VDAC3: variants seen among roughly 807,000 people sequenced by gnomAD.
VDAC3 encodes voltage dependent anion channel 3, also known as non-selective voltage-gated ion channel VDAC3.
VDAC3 carries 7 observed loss-of-function variants against 33.9 expected under a neutral mutation model. The ratio of observed to expected loss-of-function variants is 0.21; its 90% CI spans 0.12 to 0.39. The LOEUF (loss-of-function observed/expected upper bound fraction) is 0.39, where lower values mean the gene tolerates loss of function less well. Among genes scored for constraint, VDAC3 ranks in the 10% least tolerant of loss-of-function variants. The pLI, the probability that VDAC3 is intolerant of heterozygous loss-of-function variation, is 1.00. For missense variants in VDAC3, 261 were observed against 334.5 expected, an observed-to-expected ratio of 0.78 and a Z score of 1.71; for synonymous variants, 100 against 122.4, an observed-to-expected ratio of 0.82 and a Z score of 1.21.
Position 42,399,710 on chromosome 8 carries a change from A to T in VDAC3, c.323+7A>T. 6.2e-7 allele frequency: 1 copy of T among 1,611,572 alleles called. No individual in the cohort carries two copies. Among genetic ancestry groups the T allele is most frequent in the Non-Finnish European group, 8.5e-7 (1 of 1,178,514 alleles). On this transcript the variant is annotated splice_region_variant and intron_variant, in intron 6 of 9. Transcript: ENST00000022615. ...TATTTGTACCGAACACAGGGTAATT[A>T]TTCAAATCCCATTTCCTGAAACGTT...
chr8:42,401,800 G>C lies in VDAC3; in HGVS notation c.336G>C (p.Gly112=). 6.2e-7 allele frequency: 1 copy of C among 1,614,094 alleles called. No homozygotes were observed. Among genetic ancestry groups the C allele is most frequent in the South Asian group, 1.1e-5 (1 of 91,072 alleles). The change falls in exon 7 of 10, where the codon GGG becomes GGC. Residue 112 remains glycine, a synonymous_variant. Coordinates refer to ENST00000022615, the MANE Select transcript of VDAC3 (RefSeq NM_005662.7). Reference sequence around the variant, plus strand: ...TTGTTTATTGCAGAAAGAAGAGTGGGAAATTGAAGGCCTCCTATAAACGGG... The same window carrying C: ...TTGTTTATTGCAGAAAGAAGAGTGGCAAATTGAAGGCCTCCTATAAACGGG... ...IFVPNTGKKS[G]KLKASYKRDC... is the part of the protein sequence containing the mutation.
intron 7 of VDAC3, 94 bp downstream of exon 7, chr8:42,402,109 C>T (rs1191267798): frequency 1.5e-6 from 2 of 1,310,208 alleles, no homozygotes; most frequent in African/African-American, 2.9e-5. Context: ...TCAGATTTAG[C>T]ATGCCTTGGT....
intron 7 of VDAC3, 125 bp from the exon 8 acceptor site, chr8:42,403,186 A>T (rs1012029164): frequency 9.0e-7 from 1 of 1,113,838 alleles, no homozygotes; most frequent in Non-Finnish European, 1.3e-6. Flanking sequence ...TTATGCTAGA[A>T]ATTTGCTGAA....
chr8:42,402,905 C>A, intron 7 of VDAC3: 1 of 168,218 alleles, frequency 5.9e-6, no homozygotes, highest in Non-Finnish European at 1.3e-5. Flanking sequence ...TAAAGGAAAT[C>A]CAGAATTGGT....
intron 6 of VDAC3, among the ~76,000 whole-genome samples, chr8:42,400,234 AG>A: frequency 6.6e-6 from 1 of 151,780 alleles, no homozygotes. Flanking sequence ...GCTACTCAGG[AG>A]GCTGAGGCAG....
intron 1 of VDAC3, among the ~76,000 whole-genome samples, chr8:42,392,515 C>A (rs1182058180): frequency 6.6e-6 from 1 of 152,326 alleles, no homozygotes; most frequent in East Asian, 1.9e-4. Flanking sequence ...CATGAAGTTT[C>A]TGTTGTTCTC....
chr8:42,394,346 T>C, intron 3 of VDAC3, 68 bp downstream of exon 3: 1 of 1,322,322 alleles, frequency 7.6e-7, no homozygotes, highest in Non-Finnish European at 1.1e-6. Context: ...TGTGTGTAAA[T>C]ACTGTGTTAG....
At position 42,399,722 on chromosome 8, in the gene VDAC3, T is replaced by C; in HGVS notation, c.323+19T>C. 1 of 1,610,628 alleles carries C rather than the reference T, an allele frequency of 6.2e-7. No homozygotes were observed. The highest frequency in any genetic ancestry group is 8.5e-7 in the Non-Finnish European group (1 of 1,177,936). ...ACACAGGGTAATTATTCAAATCCCATTTCCTGAAACGTTTTTGGAGCCTGA... is the reference window on the plus strand; with the variant it reads ...ACACAGGGTAATTATTCAAATCCCACTTCCTGAAACGTTTTTGGAGCCTGA... On this transcript the variant is annotated intron_variant, in intron 6 of 9. Coordinates refer to ENST00000022615, the MANE Select transcript of VDAC3 (RefSeq NM_005662.7).
At chr8:42,398,291 C>T (rs905092595) in intron 4 of VDAC3, among the ~76,000 whole-genome samples, 1 of 152,146 alleles carries the variant, frequency 6.6e-6, no homozygotes, top group Non-Finnish European at 1.5e-5. Context: ...TGTCTCACTC[C>T]GTTGCCCAGG....
chr8:42,399,270 T>A lies in VDAC3; in HGVS notation c.271-381T>A, dbSNP rs188341397. The stretch of plus-strand genomic sequence containing the variant: ...TACAGGGCACTGTTTTTGATAGAGA[T>A]ACCATGTATAGATAATGTACATGCA... On this transcript the variant is annotated intron_variant, in intron 5 of 9. Coordinates refer to ENST00000022615, the MANE Select transcript of VDAC3 (RefSeq NM_005662.7). 8.4e-4 allele frequency among the ~76,000 whole-genome samples: 128 copies of A among 152,324 alleles called. 1 individual carries two copies. The highest frequency in any genetic ancestry group is 2.8e-3 in the African/African-American group (116 of 41,592).
chr8:42,405,314 G>T (rs984148771), intron 9 of VDAC3, 57 bp from the exon 10 acceptor site: 3 of 1,428,812 alleles, frequency 2.1e-6, no homozygotes, highest in South Asian at 2.3e-5. Flanking sequence ...TTTCTAGAAA[G>T]TTCAGATCTA....
At chr8:42,402,375 G>A (rs1802430710) in intron 7 of VDAC3, among the ~76,000 whole-genome samples, 1 of 152,150 alleles carries the variant, frequency 6.6e-6, no homozygotes, top group East Asian at 1.9e-4. Context: ...CTGGAAGCAG[G>A]TCTGTTTTGG....
At chr8:42,400,595 G>A (rs904914427) in intron 6 of VDAC3, among the ~76,000 whole-genome samples, 3 of 151,296 alleles carry the variant, frequency 2.0e-5, no homozygotes, top group Non-Finnish European at 4.4e-5. Flanking sequence ...AATGCAAAGT[G>A]ACATTTGTCT....
At chr8:42,392,885 A>T (rs554457064) in intron 1 of VDAC3, among the ~76,000 whole-genome samples, 23 of 152,370 alleles carry the variant, frequency 1.5e-4, no homozygotes, top group Non-Finnish European at 2.6e-4. Flanking sequence ...CATCAGTTGT[A>T]ATCATAAAGA....
intron 1 of VDAC3, among the ~76,000 whole-genome samples, chr8:42,393,465 A>C (rs1458589069): frequency 2.0e-5 from 3 of 152,224 alleles, no homozygotes; most frequent in Non-Finnish European, 4.4e-5. Context: ...AAGGAATGAG[A>C]TAATCAGCAG....
In VDAC3 at chr8:42,405,705, T is replaced by G; in HGVS notation, c.*243T>G. The G allele has an allele frequency of 2.3e-6, 1 of 439,988 alleles. No homozygotes were observed. Among genetic ancestry groups the G allele is most frequent in the Middle Eastern group, 6.4e-4 (1 of 1,554 alleles). The allele number at this position is 439,988 out of a possible 1,614,324, so 27.3% of individuals were successfully genotyped here. The stretch of plus-strand genomic sequence containing the variant: ...TTTCAGTTCAGTTCTGAAGTGTTAT[T>G]AAATGTGTTCCTCAGCGACAGTGTA... On this transcript the variant is annotated 3_prime_UTR_variant, in exon 10 of 10. Coordinates refer to ENST00000022615, the MANE Select transcript of VDAC3 (RefSeq NM_005662.7).
In VDAC3 at chr8:42,402,393, C is replaced by A. The variant is rs143358761; in HGVS notation, c.551+378C>A. ...GAAGCAGGTCTGTTTTGGTCACCAACAACCACCACCAAATTGATCTGAGCA... is the reference window on the plus strand; with the variant it reads ...GAAGCAGGTCTGTTTTGGTCACCAAAAACCACCACCAAATTGATCTGAGCA... On this transcript the variant is annotated intron_variant, in intron 7 of 9. Transcript: ENST00000022615. 1.3e-3 allele frequency among the ~76,000 whole-genome samples: 199 copies of A among 152,326 alleles called. 1 individual carries two copies. Among genetic ancestry groups the A allele is most frequent in the African/African-American group, 4.5e-3 (189 of 41,576 alleles).
At chr8:42,396,234 C>A (rs1193254253) in intron 4 of VDAC3, among the ~76,000 whole-genome samples, 1 of 152,146 alleles carries the variant, frequency 6.6e-6, no homozygotes, top group Non-Finnish European at 1.5e-5. Context: ...CTCCATCCAG[C>A]CTGGGCAACA....
intron 7 of VDAC3, among the ~76,000 whole-genome samples, chr8:42,402,329 A>G (rs1802429666): frequency 6.6e-6 from 1 of 152,160 alleles, no homozygotes; most frequent in Non-Finnish European, 1.5e-5. Context: ...TGGAGATGTT[A>G]CTGCTTCCTC....
Sources: gnomAD v4.1 joint callset for allele counts (sites outside exome capture counted in the v4.1 genomes callset) on GRCh38, gnomAD v4.1.1 for gene constraint, MANE v1.5 for transcripts, NCBI Gene and HGNC (gene_info 2026-07-23, HGNC 2026-07-21) for gene names.